Variants in DEPTOR observed in about 807,000 individuals in gnomAD.
DEPTOR encodes DEP domain containing MTOR interacting protein.
Under a neutral mutation model 41.6 loss-of-function variants are expected in DEPTOR, and 41 were observed. The observed-to-expected ratio is 0.98, with a 90% CI of 0.77 to 1.28. DEPTOR has a LOEUF of 1.28. Among genes scored for constraint, DEPTOR ranks in the 50% most tolerant of loss-of-function variants. DEPTOR has a pLI of 0.00. For synonymous variants in DEPTOR, 195 were observed against 192.3 expected (o/e 1.01, Z -0.12); for missense variants, 514 against 527.9 (o/e 0.97, Z 0.26).
At chr8:119,938,207 ATTTC>A (rs1408477696) in intron 3 of DEPTOR, among the ~76,000 whole-genome samples, 2 of 152,104 alleles carry the variant, frequency 1.3e-5, no homozygotes, top group African/African-American at 4.8e-5. Context: ...CAATCCTCTT[ATTTC>A]TTTATTTTTT....
intron 3 of DEPTOR, among the ~76,000 whole-genome samples, chr8:119,944,802 G>A (rs1034947189): frequency 3.3e-5 from 5 of 151,776 alleles, no homozygotes; most frequent in Admixed American, 1.3e-4. Flanking sequence ...CTACAGGTGC[G>A]CACCACCAAG....
intron 4 of DEPTOR, among the ~76,000 whole-genome samples, chr8:119,970,481 G>C (rs770119922): frequency 2.0e-5 from 3 of 152,186 alleles, no homozygotes; most frequent in Non-Finnish European, 4.4e-5. Flanking sequence ...GGGTATGGCT[G>C]CCTGGCATGA....
intron 1 of DEPTOR, among the ~76,000 whole-genome samples, chr8:119,874,727 G>C (rs530135720): frequency 6.6e-6 from 1 of 152,208 alleles, no homozygotes; most frequent in South Asian, 2.1e-4. Context: ...GCGTCTCACG[G>C]AACTTGGGAA....
intron 8 of DEPTOR, among the ~76,000 whole-genome samples, chr8:120,034,443 CTTTTTTTTT>C (rs148465030): frequency 1.1e-5 from 1 of 91,588 alleles, no homozygotes; most frequent in Non-Finnish European, 2.0e-5. Flanking sequence ...TTTCCTTTTT[CTTTTTTTTT>C]TTTTTTTTTT....
At chr8:119,901,364 C>T (rs569673180) in intron 1 of DEPTOR, among the ~76,000 whole-genome samples, 1 of 152,092 alleles carries the variant, frequency 6.6e-6, no homozygotes, top group Admixed American at 6.6e-5. Context: ...TTTAGCTCTC[C>T]CTGATGCTGT....
chr8:119,965,346 C>CA lies in DEPTOR; in HGVS notation c.541dup (p.Thr181AsnfsTer53). 6.2e-7 allele frequency: 1 copy of CA among 1,614,098 alleles called. No homozygotes were observed. The highest frequency in any genetic ancestry group is 8.5e-7 in the Non-Finnish European group (1 of 1,180,024). On this transcript the variant is annotated frameshift_variant, in exon 4 of 9. Coordinates refer to ENST00000286234, the MANE Select transcript of DEPTOR (RefSeq NM_022783.4). LOFTEE classifies it high-confidence loss of function. ...ACTGGCTGGTTCAGGAAGGTGAGGCCACCACGAGGAAAGAGGCAGAGCAGC... is the reference window on the plus strand; with the variant it reads ...ACTGGCTGGTTCAGGAAGGTGAGGCCAACCACGAGGAAAGAGGCAGAGCAGC...
chr8:120,047,319 G>A (rs1048445887), intron 8 of DEPTOR, among the ~76,000 whole-genome samples: 5 of 151,874 alleles, frequency 3.3e-5, no homozygotes, highest in Non-Finnish European at 5.9e-5. Context: ...ACTGCACCCA[G>A]CCCAGAGTCT....
chr8:119,933,953 C>T (rs1182023553), intron 3 of DEPTOR, among the ~76,000 whole-genome samples: 1 of 152,128 alleles, frequency 6.6e-6, no homozygotes, highest in Non-Finnish European at 1.5e-5. Flanking sequence ...GATCTCGGCT[C>T]ACTACAACCT....
chr8:119,936,569 G>A (rs1416141672), intron 3 of DEPTOR, among the ~76,000 whole-genome samples: 1 of 152,204 alleles, frequency 6.6e-6, no homozygotes, highest in Non-Finnish European at 1.5e-5. Flanking sequence ...CATGAGCTGT[G>A]GAGAGAGGTT....
intron 7 of DEPTOR, among the ~76,000 whole-genome samples, chr8:120,008,236 C>G (rs1213347928): frequency 2.6e-5 from 4 of 151,982 alleles, no homozygotes; most frequent in African/African-American, 9.7e-5. Flanking sequence ...GTGGAGGGCT[C>G]CCTTGGTGGA....
rs182345570 is a variant in DEPTOR at position 120,009,000 on chromosome 8, T to C, written c.997-29T>C. 9.6e-5 allele frequency: 155 copies of C among 1,608,894 alleles called. No individual in the cohort carries two copies. The East Asian group carries it at 3.3e-3, about 34-fold the overall frequency. Reference sequence around the variant, plus strand: ...AAGCAAATTGCCGGAGACAGTCGGCTGCTTGCTAATTGTGGTTTTCCTCTC... The same window carrying C: ...AAGCAAATTGCCGGAGACAGTCGGCCGCTTGCTAATTGTGGTTTTCCTCTC... On this transcript the variant is annotated intron_variant, in intron 7 of 8. Transcript: ENST00000286234.
intron 4 of DEPTOR, among the ~76,000 whole-genome samples, chr8:119,975,077 G>A (rs538098165): frequency 6.6e-6 from 1 of 151,794 alleles, no homozygotes; most frequent in South Asian, 2.1e-4. Context: ...AAGGCGGGAG[G>A]ACTGCTGGAG....
rs192288641 is a variant in DEPTOR, at chr8:119,887,656, C to T, written c.122+13688C>T. Among the ~76,000 whole-genome samples, 15 of 150,934 alleles carry T rather than the reference C, an allele frequency of 9.9e-5. No individual in the cohort carries two copies. In the East Asian group the frequency reaches 2.0e-3, roughly 20 times the overall value. On this transcript the variant is annotated intron_variant, in intron 1 of 8. Transcript: ENST00000286234. ...CTGGGATTACAGGCATGCAACACCA[C>T]GCCCAGCTAATTTTTTCATTTTTAG...
chr8:119,993,774 T>A (rs1417528832), intron 4 of DEPTOR, among the ~76,000 whole-genome samples: 2 of 152,310 alleles, frequency 1.3e-5, no homozygotes, highest in African/African-American at 4.8e-5. Context: ...ATGGATTTTT[T>A]TTTTTCTGTG....
At chr8:120,016,493 G>A (rs1385157116) in intron 8 of DEPTOR, among the ~76,000 whole-genome samples, 1 of 151,902 alleles carries the variant, frequency 6.6e-6, no homozygotes, top group African/African-American at 2.4e-5. Flanking sequence ...TAGAGACAGG[G>A]TTTCACCATG....
chr8:120,008,712 CCTT>C (rs1812486413), intron 7 of DEPTOR, among the ~76,000 whole-genome samples: 1 of 152,140 alleles, frequency 6.6e-6, no homozygotes, highest in South Asian at 2.1e-4. Context: ...TTTTTCTAAA[CCTT>C]CTATTGGAGT....
chr8:120,020,429 G>A (rs1812683217), intron 8 of DEPTOR, among the ~76,000 whole-genome samples: 1 of 152,086 alleles, frequency 6.6e-6, no homozygotes, highest in African/African-American at 2.4e-5. Context: ...AGACTGGAGT[G>A]CAGTGGTGCA....
At chr8:119,955,596 AGCT>A (rs1408296295) in intron 3 of DEPTOR, among the ~76,000 whole-genome samples, 1 of 151,638 alleles carries the variant, frequency 6.6e-6, no homozygotes, top group East Asian at 2.0e-4. Flanking sequence ...CCTCCCAAGT[AGCT>A]GGGATTACAG....
intron 4 of DEPTOR, among the ~76,000 whole-genome samples, chr8:119,994,544 C>A (rs1285826347): frequency 6.6e-6 from 1 of 152,122 alleles, no homozygotes; most frequent in Non-Finnish European, 1.5e-5. Context: ...TAAACTTTAG[C>A]TGTATATCTG....
Sources: gnomAD v4.1 joint callset for allele counts (sites outside exome capture counted in the v4.1 genomes callset) on GRCh38, gnomAD v4.1.1 for gene constraint, MANE v1.5 for transcripts, NCBI Gene and HGNC (gene_info 2026-07-23, HGNC 2026-07-21) for gene names.